The following ESRRA variants were observed in gnomAD, a reference collection of about 807,000 sequenced individuals.
ESRRA encodes the protein steroid hormone receptor ERR1.
A neutral mutation model predicts 35.6 loss-of-function variants in ESRRA; 7 were observed. The ratio of observed to expected loss-of-function variants is 0.20; its 90% CI spans 0.11 to 0.37. ESRRA has a LOEUF of 0.37. Among genes scored for constraint, ESRRA ranks in the 10% least tolerant of loss-of-function variants. The pLI, the probability that ESRRA is intolerant of heterozygous loss-of-function variation, is 1.00. For synonymous variants in ESRRA, 223 were observed against 246.9 expected, an observed-to-expected ratio of 0.90 and a Z score of 0.91; for missense variants, 378 against 561.7, an observed-to-expected ratio of 0.67 and a Z score of 3.31.
chr11:64,314,963 C>A, intron 5 of ESRRA, 38 bp from the exon 6 acceptor site: 1 of 1,598,398 alleles, frequency 6.3e-7, no homozygotes, highest in Middle Eastern at 1.8e-4. Flanking sequence ...GGCTCTGGTG[C>A]GCTTGCTCAG....
rs1486082633 is a variant in ESRRA at position 64,313,368 on chromosome 11, G to C, written c.326-583G>C. Among the ~76,000 whole-genome samples, 1 of 152,190 alleles carries C rather than the reference G, an allele frequency of 6.6e-6. No individual in the cohort carries two copies. Among genetic ancestry groups the C allele is most frequent in the Non-Finnish European group, 1.5e-5 (1 of 68,036 alleles). ...GAGATGGGTCTGGAGCTCACAGCAA[G>C]TCCAGGCTAGAGGTAGAAACGTGAG... On this transcript the variant is annotated intron_variant, in intron 2 of 6. Transcript: ENST00000000442. The surrounding 1 kb of genome is among the most constrained non-coding windows in gnomAD (Gnocchi z 4.0).
In ESRRA at chr11:64,313,281, C is replaced by G. The variant is rs538060157; in HGVS notation, c.326-670C>G. Among the ~76,000 whole-genome samples, 15 of 152,250 alleles carry G rather than the reference C, an allele frequency of 9.9e-5. No individual in the cohort carries two copies. The East Asian group carries it at 2.5e-3, about 25-fold the overall frequency. On this transcript the variant is annotated intron_variant, in intron 2 of 6. Coordinates refer to ENST00000000442, the MANE Select transcript of ESRRA (RefSeq NM_004451.5). The surrounding 1 kb of genome is among the most constrained non-coding windows in gnomAD (Gnocchi z 4.0). The stretch of plus-strand genomic sequence containing the variant: ...TGGGCAAGTGAACACGTGGAGTCCA[C>G]GTAGGCTGTGTTCGGTCCGAGATGC...
At chr11:64,315,376 T>G in intron 6 of ESRRA, 106 bp downstream of exon 6, 1 of 1,301,432 alleles carries the variant, frequency 7.7e-7, no homozygotes, top group Non-Finnish European at 1.0e-6. Context: ...AAACTGAGGC[T>G]TAGGGAAGAA....
chr11:64,311,519 G>T (rs1185659970), intron 2 of ESRRA, among the ~76,000 whole-genome samples: 3 of 151,448 alleles, frequency 2.0e-5, no homozygotes, highest in Non-Finnish European at 4.4e-5. Flanking sequence ...GGGTTCAAGC[G>T]ATTCTCCTGC....
chr11:64,312,389 C>T (rs1212807859), intron 2 of ESRRA, among the ~76,000 whole-genome samples: 2 of 152,196 alleles, frequency 1.3e-5, no homozygotes, highest in African/African-American at 4.8e-5. Flanking sequence ...ATCCACCCAC[C>T]TCGGTCTCCC....
intron 2 of ESRRA, among the ~76,000 whole-genome samples, chr11:64,310,263 C>T (rs1331478749): frequency 8.3e-5 from 12 of 145,348 alleles, no homozygotes; most frequent in African/African-American, 2.6e-4. Context: ...TTGAGACAGT[C>T]TCGTGTGGTC....
chr11:64,309,654 C>G (rs2035102729), intron 2 of ESRRA, among the ~76,000 whole-genome samples: 1 of 149,352 alleles, frequency 6.7e-6, no homozygotes, highest in Non-Finnish European at 1.5e-5. Context: ...AAAAAAAAGG[C>G]CAAGTGTGGT....
Position 64,313,723 on chromosome 11 carries a change from G to A in ESRRA, c.326-228G>A. 2.0e-6 allele frequency: 1 copy of A among 504,676 alleles called. No individual in the cohort carries two copies. The highest frequency in any genetic ancestry group is 3.6e-6 in the Non-Finnish European group (1 of 281,030). The allele number at this position is 504,676 out of a possible 1,614,324, so 31.3% of individuals were successfully genotyped here. On this transcript the variant is annotated intron_variant, in intron 2 of 6. Coordinates refer to ENST00000000442, the MANE Select transcript of ESRRA (RefSeq NM_004451.5). The surrounding 1 kb of genome is among the most constrained non-coding windows in gnomAD (Gnocchi z 4.0). Reference sequence around the variant, plus strand: ...GCAGTGTGGTCCAGAGATGAGGCTTGGGGCTGAGATGCAGCCCCGCTGCCT... The same window carrying A: ...GCAGTGTGGTCCAGAGATGAGGCTTAGGGCTGAGATGCAGCCCCGCTGCCT...
intron 2 of ESRRA, 114 bp downstream of exon 2, chr11:64,307,618 T>G: frequency 1.3e-6 from 1 of 750,684 alleles, no homozygotes; most frequent in Non-Finnish European, 2.0e-6. Context: ...ATCTGGTGTT[T>G]CCAGTCCCTC....
chr11:64,307,104 G>A, intron 1 of ESRRA, 64 bp from the exon 2 acceptor site: 1 of 1,390,918 alleles, frequency 7.2e-7, no homozygotes, highest in East Asian at 2.5e-5. Flanking sequence ...CAACCCGTGT[G>A]GCAGGGTGTC....
intron 2 of ESRRA, among the ~76,000 whole-genome samples, chr11:64,309,995 T>C (rs2035108758): frequency 6.6e-6 from 1 of 152,022 alleles, no homozygotes; most frequent in Non-Finnish European, 1.5e-5. Flanking sequence ...TATTCTTTTA[T>C]GATCTCAGTT....
At chr11:64,306,661 C>G (rs1045953993) in intron 1 of ESRRA, 20 of 153,154 alleles carry the variant, frequency 1.3e-4, no homozygotes, top group African/African-American at 4.6e-4. Flanking sequence ...AGAGAGCGAG[C>G]CTGCGTGGGC....
At chr11:64,315,583 A>G (rs754575151) in intron 6 of ESRRA, 124 bp from the exon 7 acceptor site, 1 of 1,347,104 alleles carries the variant, frequency 7.4e-7, no homozygotes, top group Non-Finnish European at 1.0e-6. Context: ...GGTGCCTCTC[A>G]GTCAGCCAAT....
At chr11:64,307,769 C>G (rs1353544300) in intron 2 of ESRRA, among the ~76,000 whole-genome samples, 2 of 152,178 alleles carry the variant, frequency 1.3e-5, no homozygotes, top group Non-Finnish European at 2.9e-5. Context: ...CTGAAAGAGT[C>G]CAAGGCAGCC....
intron 2 of ESRRA, among the ~76,000 whole-genome samples, chr11:64,312,430 G>A (rs1486789948): frequency 6.6e-6 from 1 of 152,170 alleles, no homozygotes; most frequent in African/African-American, 2.4e-5. Flanking sequence ...GTGAGCCACC[G>A]TGCCCGGCCG....
intron 1 of ESRRA, chr11:64,306,448 G>C (rs1304734381): frequency 6.6e-6 from 1 of 152,568 alleles, no homozygotes; most frequent in African/African-American, 2.4e-5. Context: ...CCGCGTGTCA[G>C]GTGTGAAAAG....
chr11:64,314,730 A>T lies in ESRRA; in HGVS notation c.572-11A>T, dbSNP rs779595329. 6.2e-7 allele frequency: 1 copy of T among 1,608,302 alleles called. No individual in the cohort carries two copies. Among genetic ancestry groups the T allele is most frequent in the Admixed American group, 1.7e-5 (1 of 59,750 alleles). ...CGAGTGCTCCTGACTCTTGTCCTCT[A>T]ATTGTCACAGCAGCCCCAGTGAATG... On this transcript the variant is annotated splice_polypyrimidine_tract_variant and intron_variant, in intron 4 of 6. Coordinates refer to ENST00000000442, the MANE Select transcript of ESRRA (RefSeq NM_004451.5).
In ESRRA at chr11:64,314,708, GTGCTCCTGACTCT is replaced by G; in HGVS notation, c.572-30_572-18del. On this transcript the variant is annotated intron_variant, in intron 4 of 6. Transcript: ENST00000000442. The stretch of plus-strand genomic sequence containing the variant: ...GACCCCTGAGGCCTGACAGATTCGA[GTGCTCCTGACTCT>G]TGTCCTCTAATTGTCACAGCAGCCC... 2.5e-6 allele frequency: 4 copies of G among 1,589,498 alleles called. No homozygotes were observed. The highest frequency in any genetic ancestry group is 3.4e-6 in the Non-Finnish European group (4 of 1,165,958).
Position 64,316,543 on chromosome 11 carries a change from C to G in ESRRA, c.*577C>G. On this transcript the variant is annotated 3_prime_UTR_variant, in exon 7 of 7. Transcript: ENST00000000442. ...AGCCTCCTCAGGGGGTAGGAGAGCA[C>G]TGCCTCTATGCCCTGCAGAGCAATA... is the stretch of plus-strand genomic sequence containing the variant. 1 of 284,256 alleles carries G rather than the reference C, an allele frequency of 3.5e-6. No homozygotes were observed. The highest frequency in any genetic ancestry group is 6.8e-6 in the Non-Finnish European group (1 of 147,264). 17.6% of individuals were successfully genotyped at this position (284,256 alleles called of 1,614,324 possible).
Sources: gnomAD v4.1 joint callset for allele counts (sites outside exome capture counted in the v4.1 genomes callset) on GRCh38, gnomAD v4.1.1 for gene constraint, Gnocchi (gnomAD v3.1) non-coding constraint, MANE v1.5 for transcripts, NCBI Gene and HGNC (gene_info 2026-07-23, HGNC 2026-07-21) for gene names.